The following RERE variants were observed in gnomAD, a reference collection of about 807,000 sequenced individuals.
RERE encodes the protein arginine-glutamic acid dipeptide repeats.
RERE carries 40 observed loss-of-function variants against 146.1 expected under a neutral mutation model. The ratio of observed to expected loss-of-function variants is 0.27; its 90% confidence interval spans 0.21 to 0.36. The LOEUF (loss-of-function observed/expected upper bound fraction) is 0.36. RERE is among the 10% of genes least tolerant of loss of function. The pLI, the probability that RERE is intolerant of heterozygous loss-of-function variation, is 1.00. For missense variants in RERE, 1,933 were observed against 2,138.7 expected (o/e 0.90, Z 1.90); for synonymous variants, 1,003 against 866.0 (o/e 1.16, Z -2.78).
intron 15 of RERE, 194 bp downstream of exon 15, chr1:8,363,862 G>A (rs1004507350): frequency 9.9e-6 from 6 of 606,100 alleles, no homozygotes; most frequent in South Asian, 4.0e-5. Context: ...TGCCACCCTG[G>A]GGCCCCTCGA....
chr1:8,360,072 C>G, intron 18 of RERE, 40 bp downstream of exon 18: 1 of 1,584,194 alleles, frequency 6.3e-7, no homozygotes, highest in Admixed American at 1.7e-5. Flanking sequence ...CCCACCAGCC[C>G]ACCTGTGCCT....
rs1020982699 is a variant in RERE, at chr1:8,579,768, C to T, written c.523-22245G>A. ...CCTGTAATCCCAACACTCTGGGAGGCCAAGGCAGGTGGCTCACCGGAGGTC... is the reference window on the plus strand; with the variant it reads ...CCTGTAATCCCAACACTCTGGGAGGTCAAGGCAGGTGGCTCACCGGAGGTC... On this transcript the variant is annotated intron_variant, in intron 4 of 22. Coordinates refer to ENST00000400908, the MANE Select transcript of RERE (RefSeq NM_001042681.2). 2.6e-5 allele frequency among the ~76,000 whole-genome samples: 4 copies of T among 152,338 alleles called. No homozygotes were observed. In the East Asian group the frequency reaches 5.8e-4, roughly 22 times the overall value.
At chr1:8,681,008 C>G (rs1638952513) in intron 1 of RERE, among the ~76,000 whole-genome samples, 1 of 152,202 alleles carries the variant, frequency 6.6e-6, no homozygotes, top group Admixed American at 6.5e-5. Context: ...GGCTCAACCA[C>G]CTGAGTGGAG....
intron 8 of RERE, among the ~76,000 whole-genome samples, chr1:8,503,267 T>C (rs182309559): frequency 7.2e-5 from 11 of 152,096 alleles, no homozygotes; most frequent in African/African-American, 2.6e-4. Context: ...GCACTCATAT[T>C]AGTTGCTAGT....
intron 11 of RERE, among the ~76,000 whole-genome samples, chr1:8,456,035 C>T (rs575456758): frequency 9.2e-5 from 14 of 152,290 alleles, no homozygotes; most frequent in Admixed American, 5.9e-4. Context: ...ATCCATCCTC[C>T]AGACATTAAG....
At chr1:8,571,693 T>C (rs1390047498) in intron 4 of RERE, among the ~76,000 whole-genome samples, 6 of 152,242 alleles carry the variant, frequency 3.9e-5, no homozygotes, top group African/African-American at 7.2e-5. Context: ...AGTCTATTTA[T>C]AACCGTTCCA....
intron 12 of RERE, among the ~76,000 whole-genome samples, chr1:8,418,810 T>C (rs1643847209): frequency 6.6e-6 from 1 of 152,220 alleles, no homozygotes; most frequent in African/African-American, 2.4e-5. Flanking sequence ...CTATTAGGCC[T>C]CCTACTTTTT....
At chr1:8,469,252 T>G (rs904756417) in intron 10 of RERE, among the ~76,000 whole-genome samples, 3 of 152,294 alleles carry the variant, frequency 2.0e-5, no homozygotes, top group African/African-American at 4.8e-5. Flanking sequence ...ACCACTTATG[T>G]GTCATATAAA....
intron 1 of RERE, among the ~76,000 whole-genome samples, chr1:8,762,675 G>C (rs143888874): frequency 1.7e-3 from 260 of 152,250 alleles, no homozygotes; most frequent in African/African-American, 6.1e-3. Flanking sequence ...GCCTCAGGGG[G>C]ACTTTCCTCT....
chr1:8,777,875 AT>A (rs1281922654), intron 1 of RERE, among the ~76,000 whole-genome samples: 1 of 145,680 alleles, frequency 6.9e-6, no homozygotes, highest in Non-Finnish European at 1.5e-5. Context: ...TGGTATAAAA[AT>A]AAAAGTATAT....
Position 8,557,496 on chromosome 1 carries a change from C to T in RERE, c.550G>A (p.Val184Ile), listed in dbSNP as rs1479547284. The change falls in exon 5 of 23, where the codon GTC becomes ATC. Residue 184 changes from valine (V) to isoleucine (I), a missense_variant. Physicochemically the swap from Val to Ile is conservative, Grantham distance 29. Transcript: ENST00000400908. ...GSKRDHLLMN[V>I]KWYYRQSEVP... ...TCAGATTGACGGTAGTACCATTTGACGTTCATGAGGAGATGGTCCCTCTTA... is the reference window on the plus strand; with the variant it reads ...TCAGATTGACGGTAGTACCATTTGATGTTCATGAGGAGATGGTCCCTCTTA... The T allele has an allele frequency of 1.2e-6, 2 of 1,612,594 alleles. No individual in the cohort carries two copies. The highest frequency in any genetic ancestry group is 2.2e-5 in the East Asian group (1 of 44,878).
chr1:8,407,258 AGAAG>A (rs1295240280), intron 12 of RERE, among the ~76,000 whole-genome samples: 1 of 152,230 alleles, frequency 6.6e-6, no homozygotes, highest in Non-Finnish European at 1.5e-5. Context: ...ACCTAAACCC[AGAAG>A]GAAGCAGGAC....
intron 12 of RERE, among the ~76,000 whole-genome samples, chr1:8,405,959 T>C (rs904462329): frequency 6.6e-6 from 1 of 152,100 alleles, no homozygotes; most frequent in African/African-American, 2.4e-5. Flanking sequence ...TACTGTAAAT[T>C]TTTCTGTGTT....
At chr1:8,456,496 G>A (rs1453196410) in intron 11 of RERE, among the ~76,000 whole-genome samples, 1 of 152,172 alleles carries the variant, frequency 6.6e-6, no homozygotes, top group Non-Finnish European at 1.5e-5. Flanking sequence ...AGAAGTCAGA[G>A]GAATGCATGA....
intron 12 of RERE, among the ~76,000 whole-genome samples, chr1:8,405,273 T>G (rs1269491615): frequency 6.6e-6 from 1 of 152,114 alleles, no homozygotes; most frequent in Non-Finnish European, 1.5e-5. Flanking sequence ...GAATGAATCT[T>G]AAGGAAATAA....
At chr1:8,721,599 C>T (rs1291989908) in intron 1 of RERE, among the ~76,000 whole-genome samples, 2 of 152,158 alleles carry the variant, frequency 1.3e-5, no homozygotes, top group African/African-American at 4.8e-5. Context: ...CAGATGTGAG[C>T]CACCGTGCCT....
intron 11 of RERE, among the ~76,000 whole-genome samples, chr1:8,457,747 C>G (rs1033888981): frequency 2.0e-5 from 3 of 152,030 alleles, no homozygotes; most frequent in Non-Finnish European, 4.4e-5. Flanking sequence ...ATTACAAGCA[C>G]GCACCACCAC....
chr1:8,530,593 A>T (rs1439373980), intron 7 of RERE, among the ~76,000 whole-genome samples: 1 of 152,020 alleles, frequency 6.6e-6, no homozygotes, highest in African/African-American at 2.4e-5. Context: ...TCACATCAAG[A>T]GAGGAGAAGT....
intron 1 of RERE, among the ~76,000 whole-genome samples, chr1:8,804,198 T>A (rs946656889): frequency 2.0e-5 from 3 of 152,124 alleles, no homozygotes; most frequent in Admixed American, 2.0e-4. Context: ...ATAAAATATA[T>A]ATATGTACAC....
Sources: gnomAD v4.1 joint callset for allele counts (sites outside exome capture counted in the v4.1 genomes callset) on GRCh38, gnomAD v4.1.1 for gene constraint, MANE v1.5 for transcripts, NCBI Gene and HGNC (gene_info 2026-07-23, HGNC 2026-07-21) for gene names.